Variants in AKAP6 observed in about 807,000 individuals in gnomAD.
AKAP6 encodes the protein A-kinase anchor protein 6.
In AKAP6, 58 loss-of-function variants were observed where a neutral mutation model predicts 188.5. The observed-to-expected ratio is 0.31, with a 90% CI of 0.25 to 0.38. The LOEUF is 0.38. Ranked by LOEUF, AKAP6 falls within the 10% of genes least tolerant of loss-of-function variation. The pLI is 1.00. For synonymous variants in AKAP6, 989 were observed against 998.6 expected (o/e 0.99, Z 0.18); for missense variants, 2,710 against 2,740.0 (o/e 0.99, Z 0.24).
chr14:32,769,769 C>CT (rs934606390), intron 11 of AKAP6, among the ~76,000 whole-genome samples: 1 of 151,900 alleles, frequency 6.6e-6, no homozygotes, highest in Non-Finnish European at 1.5e-5. Flanking sequence ...TCTCATCTCT[C>CT]TTTTTTTCTG....
At chr14:32,499,991 A>G (rs1209197140) in intron 2 of AKAP6, among the ~76,000 whole-genome samples, 3 of 152,164 alleles carry the variant, frequency 2.0e-5, no homozygotes, top group South Asian at 2.1e-4. Context: ...CCAAAACAAT[A>G]TATCTATATT....
intron 5 of AKAP6, among the ~76,000 whole-genome samples, chr14:32,598,085 AT>A (rs1885779008): frequency 6.6e-6 from 1 of 152,180 alleles, no homozygotes; most frequent in Non-Finnish European, 1.5e-5. Context: ...GGCACAGTAC[AT>A]AGTTTCTAAG....
chr14:32,549,370 G>A (rs1883350703), intron 4 of AKAP6, among the ~76,000 whole-genome samples: 1 of 152,220 alleles, frequency 6.6e-6, no homozygotes, highest in South Asian at 2.1e-4. Context: ...GGATGTACAG[G>A]ATTCAGACAG....
At chr14:32,729,565 G>A (rs891822996) in intron 9 of AKAP6, among the ~76,000 whole-genome samples, 2 of 151,904 alleles carry the variant, frequency 1.3e-5, no homozygotes, top group Admixed American at 1.3e-4. Flanking sequence ...CACAGGGATG[G>A]CATTTAGAAT....
chr14:32,790,939 G>C (rs1032911810), intron 12 of AKAP6, among the ~76,000 whole-genome samples: 1 of 152,096 alleles, frequency 6.6e-6, no homozygotes, highest in Non-Finnish European at 1.5e-5. Flanking sequence ...CCCTGCAAAG[G>C]ACATGAACTC....
At chr14:32,609,766 A>G (rs1476358417) in intron 7 of AKAP6, among the ~76,000 whole-genome samples, 2 of 152,158 alleles carry the variant, frequency 1.3e-5, no homozygotes, top group African/African-American at 4.8e-5. Context: ...AATGTGGTAG[A>G]AGCTAAAAAA....
chr14:32,382,322 A>C (rs1888390944), intron 1 of AKAP6, among the ~76,000 whole-genome samples: 1 of 152,184 alleles, frequency 6.6e-6, no homozygotes, highest in Non-Finnish European at 1.5e-5. Context: ...CTGTACCAGC[A>C]TCAGAGTGGG....
intron 5 of AKAP6, among the ~76,000 whole-genome samples, chr14:32,596,103 TC>T (rs1331325508): frequency 6.6e-6 from 1 of 152,278 alleles, no homozygotes; most frequent in African/African-American, 2.4e-5. Context: ...CATCAGGTGA[TC>T]GAAAGTCTGT....
intron 2 of AKAP6, among the ~76,000 whole-genome samples, chr14:32,528,719 C>G (rs372882919): frequency 3.9e-5 from 6 of 152,094 alleles, no homozygotes; most frequent in East Asian, 1.9e-4. Context: ...GCTCTGTCCC[C>G]CAGGCTGGAG....
chr14:32,682,452 G>A (rs549561792), intron 8 of AKAP6, among the ~76,000 whole-genome samples: 49 of 152,298 alleles, frequency 3.2e-4, no homozygotes, highest in Non-Finnish European at 2.6e-4. Context: ...CGCAGTGCCT[G>A]GCAAGTGCTA....
chr14:32,591,274 T>G (rs2139319216), intron 5 of AKAP6, among the ~76,000 whole-genome samples: 1 of 152,272 alleles, frequency 6.6e-6, no homozygotes, highest in Admixed American at 6.5e-5. Flanking sequence ...TTTGGCCTAA[T>G]GTGGCCATGC....
chr14:32,415,705 G>T (rs1452435263), intron 1 of AKAP6, among the ~76,000 whole-genome samples: 3 of 151,864 alleles, frequency 2.0e-5, no homozygotes, highest in Non-Finnish European at 4.4e-5. Flanking sequence ...TCTTCCCTTA[G>T]CCCCTGGAAA....
At chr14:32,789,105 T>A (rs931525152) in intron 12 of AKAP6, among the ~76,000 whole-genome samples, 3 of 151,856 alleles carry the variant, frequency 2.0e-5, no homozygotes, top group Non-Finnish European at 2.9e-5. Context: ...CCTTGCCAGA[T>A]TATGGCGAGA....
intron 1 of AKAP6, among the ~76,000 whole-genome samples, chr14:32,344,365 G>A (rs1416976198): frequency 6.6e-6 from 1 of 151,722 alleles, no homozygotes; most frequent in Non-Finnish European, 1.5e-5. Context: ...TGCCATGATT[G>A]TGCAGAACAT....
At chr14:32,725,051 T>G (rs1317251944) in intron 9 of AKAP6, among the ~76,000 whole-genome samples, 1 of 130,464 alleles carries the variant, frequency 7.7e-6, no homozygotes. Flanking sequence ...GACAACAATA[T>G]TGTTCAGTGT....
intron 1 of AKAP6, among the ~76,000 whole-genome samples, chr14:32,421,507 G>A (rs1406805729): frequency 1.3e-5 from 2 of 151,746 alleles, no homozygotes; most frequent in Non-Finnish European, 2.9e-5. Flanking sequence ...TTGAAATATA[G>A]CATCTTTTTC....
At chr14:32,712,438 C>T (rs1156910538) in intron 9 of AKAP6, among the ~76,000 whole-genome samples, 1 of 151,960 alleles carries the variant, frequency 6.6e-6, no homozygotes, top group African/African-American at 2.4e-5. Context: ...CATTAATTGG[C>T]TCTTTCACAA....
In AKAP6 at chr14:32,546,196, A is replaced by G. The variant is rs146268255; in HGVS notation, c.1543A>G (p.Thr515Ala). The G allele has an allele frequency of 1.3e-5, 21 of 1,614,014 alleles. No homozygotes were observed. The African/African-American group carries it at 2.3e-4, about 17-fold the overall frequency. The change falls in exon 4 of 14, where the codon ACT becomes GCT. Residue 515 changes from threonine (T) to alanine (A), a missense_variant. By Grantham distance (58) the Thr-to-Ala change is moderately conservative. Around this residue, in one of 2 missense-constraint regions of AKAP6, gnomAD observed 2,473 missense variants for 2,426.1 expected, o/e 1.02. Transcript: ENST00000280979. ...VPPCRTPKRG[T>A]GSGKQAKNTK... Reference sequence around the variant, plus strand: ...TCCATGCCGAACACCTAAACGGGGGACTGGTTCAGGCAAACAAGCTAAAAA... The same window carrying G: ...TCCATGCCGAACACCTAAACGGGGGGCTGGTTCAGGCAAACAAGCTAAAAA...
intron 12 of AKAP6, among the ~76,000 whole-genome samples, chr14:32,798,560 T>C (rs1168476329): frequency 6.6e-6 from 1 of 152,136 alleles, no homozygotes; most frequent in South Asian, 2.1e-4. Context: ...GAATGAGATA[T>C]GTCTTTTGCA....
Sources: gnomAD v4.1 joint callset for allele counts (sites outside exome capture counted in the v4.1 genomes callset) on GRCh38, gnomAD v4.1.1 for gene constraint, gnomAD v4.1.1 regional missense constraint, MANE v1.5 for transcripts, NCBI Gene and HGNC (gene_info 2026-07-23, HGNC 2026-07-21) for gene names.